Variants in VSIR observed in about 807,000 individuals in gnomAD.
VSIR encodes the protein V-set immunoregulatory receptor, also known as V-type immunoglobulin domain-containing suppressor of T-cell activation.
A neutral mutation model predicts 31.0 loss-of-function variants in VSIR; 10 were observed. The ratio of observed to expected loss-of-function variants is 0.32; its 90% confidence interval spans 0.20 to 0.55. The LOEUF is 0.55. Ranked by LOEUF, VSIR falls within the 20% of genes least tolerant of loss-of-function variation. The pLI is 0.93. For missense variants in VSIR, 356 were observed against 416.2 expected, an observed-to-expected ratio of 0.86 and a Z score of 1.26; for synonymous variants, 179 against 180.1, an observed-to-expected ratio of 0.99 and a Z score of 0.05.
chr10:71,748,519 G>A lies in VSIR; in HGVS notation c.*2734C>T, dbSNP rs1020182507. ...AGCCTCTCCCTGGGAGGGAATAAAG[G>A]CAGGAAGTCTCTATTAAACTGTGAA... On this transcript the variant is annotated 3_prime_UTR_variant, in exon 7 of 7. Transcript: ENST00000394957. 7 of 152,288 alleles carry A rather than the reference G, an allele frequency of 4.6e-5. No homozygotes were observed. Among genetic ancestry groups the A allele is most frequent in the African/African-American group, 1.7e-4 (7 of 41,456 alleles). 9.4% of individuals were successfully genotyped at this position (152,288 alleles called of 1,614,324 possible).
chr10:71,772,892 G>A (rs537207800), intron 1 of VSIR, among the ~76,000 whole-genome samples: 1 of 152,312 alleles, frequency 6.6e-6, no homozygotes, highest in African/African-American at 2.4e-5. Context: ...GGTTTCACCA[G>A]GGCATGGGGC....
At chr10:71,755,822 C>A (rs1840128012) in intron 3 of VSIR, among the ~76,000 whole-genome samples, 1 of 152,160 alleles carries the variant, frequency 6.6e-6, no homozygotes, top group South Asian at 2.1e-4. Flanking sequence ...AGGGCCTTCG[C>A]AGACCCCATG....
chr10:71,748,998 G>A lies in VSIR; in HGVS notation c.*2255C>T, dbSNP rs1289463463. On this transcript the variant is annotated 3_prime_UTR_variant, in exon 7 of 7. Coordinates refer to ENST00000394957, the MANE Select transcript of VSIR (RefSeq NM_022153.2). ...GAGAAGAGAGGGCAGGGCCGCACCA[G>A]AGGAAGCTGAGGAGGAAGTGCGGTG... The A allele has an allele frequency of 6.6e-6, 1 of 152,532 alleles. No homozygotes were observed. The highest frequency in any genetic ancestry group is 1.5e-5 in the Non-Finnish European group (1 of 68,108). The allele number at this position is 152,532 out of a possible 1,614,324, so 9.4% of individuals were successfully genotyped here.
rs752830496 is a variant in VSIR, at chr10:71,755,432, G to A, written c.603C>T (p.Cys201=). The A allele has an allele frequency of 1.1e-5, 18 of 1,613,128 alleles. No individual in the cohort carries two copies. In the East Asian group the frequency reaches 2.5e-4, roughly 22 times the overall value. The change falls in exon 4 of 7, where the codon TGC becomes TGT. Residue 201 remains cysteine (C), a synonymous_variant. Transcript: ENST00000394957. ...GGGGGAGGCAGAGGATTCCTACGATGCAGGCACCCGTAGCCAGGGCTGCAG... is the reference window on the plus strand; with the variant it reads ...GGGGGAGGCAGAGGATTCCTACGATACAGGCACCCGTAGCCAGGGCTGCAG... ...ITAAALATGA[C]IVGILCLPLI...
intron 3 of VSIR, among the ~76,000 whole-genome samples, chr10:71,760,002 CAT>C (rs199501498): frequency 0.06 from 3,141 of 52,632 alleles, 799 homozygotes; most frequent in African/African-American, 0.15. Context: ...CACACACATA[CAT>C]ATATATACAC....
At chr10:71,762,447 T>C (rs1365848931) in intron 1 of VSIR, among the ~76,000 whole-genome samples, 2 of 152,378 alleles carry the variant, frequency 1.3e-5, no homozygotes, top group East Asian at 3.9e-4. Context: ...CTCCTAGGAC[T>C]GAACATGCCT....
chr10:71,759,422 A>G (rs995016899), intron 3 of VSIR, among the ~76,000 whole-genome samples: 1 of 152,092 alleles, frequency 6.6e-6, no homozygotes, highest in Non-Finnish European at 1.5e-5. Context: ...CAGGAAGATC[A>G]CTTGCATCTG....
At chr10:71,753,708 C>G in intron 4 of VSIR, 1 of 455,376 alleles carries the variant, frequency 2.2e-6, no homozygotes, top group Non-Finnish European at 4.4e-6. Context: ...ATGCAGCACC[C>G]CATGTCCTCC....
intron 3 of VSIR, among the ~76,000 whole-genome samples, chr10:71,759,978 CACAT>C (rs1840283691): frequency 2.5e-5 from 2 of 81,196 alleles, no homozygotes; most frequent in Non-Finnish European, 3.1e-5. Flanking sequence ...TATACACACA[CACAT>C]ATATATACAC....
Position 71,749,954 on chromosome 10 carries a change from G to A in VSIR, c.*1299C>T, listed in dbSNP as rs1242391234. On this transcript the variant is annotated 3_prime_UTR_variant, in exon 7 of 7. Coordinates refer to ENST00000394957, the MANE Select transcript of VSIR (RefSeq NM_022153.2). ...CTGGACTATGCTCTCCACAGTACCT[G>A]GGGCCCCCATCCTGCTAAACGCTAC... 2 of 152,260 alleles carry A rather than the reference G, an allele frequency of 1.3e-5. No homozygotes were observed. The highest frequency in any genetic ancestry group is 2.9e-5 in the Non-Finnish European group (2 of 68,108). The allele number at this position is 152,260 out of a possible 1,614,324, so 9.4% of individuals were successfully genotyped here.
chr10:71,773,063 C>T (rs1390852782), intron 1 of VSIR, among the ~76,000 whole-genome samples: 1 of 152,256 alleles, frequency 6.6e-6, no homozygotes, highest in East Asian at 1.9e-4. Flanking sequence ...CTACCTGTGC[C>T]CTGGGTTCTC....
chr10:71,759,980 CAT>C lies in VSIR; in HGVS notation c.568+886_568+887del, dbSNP rs772299103. Among the ~76,000 whole-genome samples, 110 of 85,356 alleles carry C rather than the reference CAT, an allele frequency of 1.3e-3. 32 individuals are homozygous for C. The Middle Eastern group carries it at 0.018, about 14-fold the overall frequency. The allele number at this position is 85,356 out of a possible 152,430, so 56.0% of individuals were successfully genotyped here. On this transcript the variant is annotated intron_variant, in intron 3 of 6. Coordinates refer to ENST00000394957, the MANE Select transcript of VSIR (RefSeq NM_022153.2). ...ACACACACATATATATACACACACA[CAT>C]ATATATACACACACACATACATATA... is the stretch of plus-strand genomic sequence containing the variant.
At chr10:71,758,260 G>A (rs1387474632) in intron 3 of VSIR, among the ~76,000 whole-genome samples, 3 of 152,138 alleles carry the variant, frequency 2.0e-5, no homozygotes, top group Non-Finnish European at 4.4e-5. Flanking sequence ...GGTTTTGTTG[G>A]GTCCGTGGTT....
chr10:71,759,874 C>CACACACACACATATATAT lies in VSIR; in HGVS notation c.568+993_568+994insATATATATGTGTGTGTGT, dbSNP rs1564779205. Among the ~76,000 whole-genome samples the CACACACACACATATATAT allele has an allele frequency of 1.4e-4, 10 of 70,340 alleles. 1 individual carries two copies. Among genetic ancestry groups the CACACACACACATATATAT allele is most frequent in the Non-Finnish European group, 2.4e-4 (7 of 28,692 alleles). 46.1% of individuals were successfully genotyped at this position (70,340 alleles called of 152,430 possible). ...ATACACACACACACACATATATATA[C>CACACACACACATATATAT]ACACACACACATATACACACACACA... On this transcript the variant is annotated intron_variant, in intron 3 of 6. Coordinates refer to ENST00000394957, the MANE Select transcript of VSIR (RefSeq NM_022153.2).
At chr10:71,770,111 C>T (rs1190064204) in intron 1 of VSIR, among the ~76,000 whole-genome samples, 1 of 152,218 alleles carries the variant, frequency 6.6e-6, no homozygotes, top group Non-Finnish European at 1.5e-5. Context: ...CCAATGCCTT[C>T]CCAGGCCCTG....
chr10:71,760,805 G>A lies in VSIR; in HGVS notation c.568+63C>T. On this transcript the variant is annotated intron_variant, in intron 3 of 6. Coordinates refer to ENST00000394957, the MANE Select transcript of VSIR (RefSeq NM_022153.2). Reference sequence around the variant, plus strand: ...GAGGCCAGAGTTCCAAACAGGGTCTGGGTGCAGGATGAGGACAGAAGAAAA... The same window carrying A: ...GAGGCCAGAGTTCCAAACAGGGTCTAGGTGCAGGATGAGGACAGAAGAAAA... 7.3e-6 allele frequency: 11 copies of A among 1,504,692 alleles called. No individual in the cohort carries two copies. In the South Asian group the frequency reaches 1.2e-4, roughly 17 times the overall value. 93.2% of individuals were successfully genotyped at this position (1,504,692 alleles called of 1,614,324 possible). A position where few individuals can be genotyped will look rare whatever the true frequency, so the allele number is the denominator to read the frequency against.
At chr10:71,760,261 GTATATACATATATATGTATGTATATA>G (rs1840336787) in intron 3 of VSIR, among the ~76,000 whole-genome samples, 1 of 96,688 alleles carries the variant, frequency 1.0e-5, no homozygotes, top group East Asian at 2.6e-4. Context: ...GTATATATAT[GTATATACATATATATGTATGTATATA>G]TGTGTATATA....
chr10:71,761,002 C>CCCT, intron 2 of VSIR, 78 bp from the exon 3 acceptor site: 1 of 1,434,124 alleles, frequency 7.0e-7, no homozygotes, highest in Non-Finnish European at 9.8e-7. Context: ...GCCAGTGTCC[C>CCCT]CCTCCTGCCC....
At chr10:71,755,154 G>C (rs9415993) in intron 4 of VSIR, 171,912 of 660,192 alleles carry the variant, frequency 0.26, 23,718 homozygotes, top group East Asian at 0.36. Flanking sequence ...AAAGGGGCTG[G>C]TGGGCACTTG....
Sources: allele counts gnomAD v4.1 joint callset (sites outside exome capture counted in the v4.1 genomes callset), GRCh38; gene constraint gnomAD v4.1.1; transcripts MANE v1.5; gene names NCBI Gene and HGNC (gene_info 2026-07-23, HGNC 2026-07-21).